The following ZNF438 variants were observed in gnomAD, a reference collection of about 807,000 sequenced individuals.
ZNF438 encodes zinc finger protein 438.
Under a neutral mutation model 38.0 loss-of-function variants are expected in ZNF438, and 25 were observed. The ratio of observed to expected loss-of-function variants is 0.66; its 90% CI spans 0.48 to 0.92. The LOEUF (loss-of-function observed/expected upper bound fraction) is 0.92. Ranked by LOEUF, ZNF438 falls within the 40% of genes least tolerant of loss-of-function variation. The probability of loss-of-function intolerance (pLI) is 0.00; values close to 1 mark genes in which losing one functional copy is unlikely to be tolerated. For synonymous variants in ZNF438, 372 were observed against 364.1 expected (o/e 1.02, Z -0.25); for missense variants, 1,007 against 999.6 (o/e 1.01, Z -0.10).
At chr10:30,874,165 T>TATATATATAG (rs2038048861) in intron 4 of ZNF438, among the ~76,000 whole-genome samples, 2 of 130,968 alleles carry the variant, frequency 1.5e-5, no homozygotes, top group African/African-American at 5.6e-5. Flanking sequence ...TATATATATT[T>TATATATATAG]AGAGACAAGG....
intron 1 of ZNF438, among the ~76,000 whole-genome samples, chr10:31,001,196 G>A (rs1311882994): frequency 6.6e-6 from 1 of 152,166 alleles, no homozygotes; most frequent in Non-Finnish European, 1.5e-5. Context: ...GTCATTGGCA[G>A]ATGGTAGATA....
At chr10:30,953,194 T>C (rs1023986433) in intron 1 of ZNF438, among the ~76,000 whole-genome samples, 4 of 147,002 alleles carry the variant, frequency 2.7e-5, no homozygotes, top group African/African-American at 1.0e-4. Flanking sequence ...TAGGTGGGAA[T>C]TGAACAATGA....
At chr10:31,012,121 T>C (rs965194901) in intron 1 of ZNF438, among the ~76,000 whole-genome samples, 16 of 146,862 alleles carry the variant, frequency 1.1e-4, no homozygotes, top group Non-Finnish European at 6.1e-5. Flanking sequence ...ATTTTCTTTT[T>C]TTTTTTTCTT....
intron 2 of ZNF438, among the ~76,000 whole-genome samples, chr10:30,925,028 A>ATATT (rs1308332084): frequency 2.6e-5 from 4 of 152,192 alleles, no homozygotes; most frequent in Non-Finnish European, 5.9e-5. Flanking sequence ...TGGGTTCCCT[A>ATATT]TATTGACTTT....
intron 1 of ZNF438, among the ~76,000 whole-genome samples, chr10:30,961,932 C>G (rs1589442203): frequency 7.0e-6 from 1 of 143,394 alleles, no homozygotes; most frequent in Admixed American, 7.0e-5. Context: ...TTGGTACTTT[C>G]TAAACAAAAT....
chr10:30,936,853 C>T (rs2046312936), intron 2 of ZNF438, among the ~76,000 whole-genome samples: 1 of 152,012 alleles, frequency 6.6e-6, no homozygotes, highest in African/African-American at 2.4e-5. Context: ...AGGCAGGTCA[C>T]GTCAAACCTT....
At chr10:30,937,145 G>A (rs372655009) in intron 2 of ZNF438, among the ~76,000 whole-genome samples, 2 of 152,164 alleles carry the variant, frequency 1.3e-5, no homozygotes, top group African/African-American at 4.8e-5. Flanking sequence ...TAGGGCAGGG[G>A]TGCTAATGGA....
At chr10:30,957,846 G>T (rs1325391238) in intron 1 of ZNF438, among the ~76,000 whole-genome samples, 1 of 117,050 alleles carries the variant, frequency 8.5e-6, no homozygotes, top group African/African-American at 2.6e-5. Context: ...GTTCTTTGAT[G>T]GACTAATTCT....
intron 1 of ZNF438, among the ~76,000 whole-genome samples, chr10:31,026,172 G>C (rs983172965): frequency 2.0e-5 from 3 of 152,172 alleles, no homozygotes; most frequent in African/African-American, 7.2e-5. Flanking sequence ...TCAGGACATA[G>C]GCATGGGCAA....
chr10:30,873,217 T>C (rs775176978), intron 4 of ZNF438, among the ~76,000 whole-genome samples: 3 of 152,218 alleles, frequency 2.0e-5, no homozygotes, highest in Non-Finnish European at 4.4e-5. Context: ...GAAAGAATGA[T>C]ATAGAAAATT....
chr10:30,912,731 T>G (rs1483623876), intron 2 of ZNF438, among the ~76,000 whole-genome samples: 1 of 152,094 alleles, frequency 6.6e-6, no homozygotes, highest in Non-Finnish European at 1.5e-5. Context: ...TGTTTCCATG[T>G]CCTCAGCTTA....
chr10:30,971,085 G>A (rs1469989430), intron 1 of ZNF438, among the ~76,000 whole-genome samples: 1 of 152,116 alleles, frequency 6.6e-6, no homozygotes, highest in Non-Finnish European at 1.5e-5. Flanking sequence ...AAATGTTTTG[G>A]TAGAAATCTT....
chr10:30,848,391 T>C (rs2032783904), intron 5 of ZNF438, 140 bp downstream of exon 6: 5 of 963,800 alleles, frequency 5.2e-6, no homozygotes, highest in Non-Finnish European at 7.5e-6. Context: ...TTCACAGATC[T>C]AGGAGGTATA....
At chr10:30,986,307 T>G (rs1451714797) in intron 1 of ZNF438, among the ~76,000 whole-genome samples, 1 of 152,210 alleles carries the variant, frequency 6.6e-6, no homozygotes, top group Non-Finnish European at 1.5e-5. Context: ...CATCACAGCC[T>G]TCTTGCACTT....
At chr10:30,981,372 A>G (rs1403075745) in intron 1 of ZNF438, among the ~76,000 whole-genome samples, 1 of 152,178 alleles carries the variant, frequency 6.6e-6, no homozygotes, top group Non-Finnish European at 1.5e-5. Context: ...GTGTTTATGG[A>G]AACATGACAG....
chr10:30,917,278 T>C (rs889868925), intron 2 of ZNF438, among the ~76,000 whole-genome samples: 1 of 152,148 alleles, frequency 6.6e-6, no homozygotes, highest in Non-Finnish European at 1.5e-5. Context: ...TTCTGGCTAG[T>C]ATGATTGAAG....
chr10:31,028,204 G>A (rs1473534076), intron 1 of ZNF438, among the ~76,000 whole-genome samples: 1 of 151,934 alleles, frequency 6.6e-6, no homozygotes, highest in African/African-American at 2.4e-5. Context: ...ATTCCAATAG[G>A]TGGAACTTTG....
Position 31,021,668 on chromosome 10 carries a change from C to T in ZNF438, c.-192+10165G>A, listed in dbSNP as rs374717108. On this transcript the variant is annotated intron_variant, in intron 1 of 5. Transcript: ENST00000413025. ...ATGTTAGACAAATAGCAAATTCCAG[C>T]GATTTTCTTATTCGGGGTCAAAATG... is the stretch of plus-strand genomic sequence containing the variant. Among the ~76,000 whole-genome samples the T allele has an allele frequency of 1.8e-4, 28 of 152,098 alleles. No individual in the cohort carries two copies. The East Asian group carries it at 4.0e-3, about 22-fold the overall frequency.
intron 1 of ZNF438, among the ~76,000 whole-genome samples, chr10:31,027,439 G>A (rs1270166406): frequency 2.0e-5 from 3 of 151,586 alleles, no homozygotes; most frequent in Admixed American, 6.6e-5. Context: ...GTTATATTTC[G>A]CATGGTCAGT....
Sources: gnomAD v4.1 joint callset for allele counts (sites outside exome capture counted in the v4.1 genomes callset) on GRCh38, gnomAD v4.1.1 for gene constraint, MANE v1.5 for transcripts, NCBI Gene and HGNC (gene_info 2026-07-23, HGNC 2026-07-21) for gene names.